The following CATSPERE variants were observed in gnomAD, a reference collection of about 807,000 sequenced individuals.
CATSPERE encodes the protein catsper channel auxiliary subunit epsilon.
Under a neutral mutation model 114.1 loss-of-function variants are expected in CATSPERE, and 93 were observed. The ratio of observed to expected loss-of-function variants is 0.81; its 90% CI spans 0.69 to 0.97. CATSPERE has a LOEUF of 0.97. CATSPERE is among the 50% of genes least tolerant of loss of function. CATSPERE has a pLI of 0.00. For missense variants in CATSPERE, 1,058 were observed against 1,131.6 expected (o/e 0.93, Z 0.93); for synonymous variants, 341 against 384.1 (o/e 0.89, Z 1.31).
At chr1:244,550,479 G>A (rs1442517835) in intron 8 of CATSPERE, among the ~76,000 whole-genome samples, 1 of 152,126 alleles carries the variant, frequency 6.6e-6, no homozygotes, top group Non-Finnish European at 1.5e-5. Context: ...GTCCCGTCCT[G>A]TTTATGCCTG....
At chr1:244,544,501 C>G (rs1036413024) in intron 8 of CATSPERE, among the ~76,000 whole-genome samples, 1 of 152,178 alleles carries the variant, frequency 6.6e-6, no homozygotes, top group Non-Finnish European at 1.5e-5. Context: ...TACTTAGCAG[C>G]TGACAGAATC....
Position 244,461,508 on chromosome 1 carries a change from A to C in CATSPERE, c.65+14A>C, listed in dbSNP as rs776341334. The C allele has an allele frequency of 5.4e-6, 7 of 1,302,648 alleles. No individual in the cohort carries two copies. The East Asian group carries it at 1.2e-4, about 22-fold the overall frequency. The allele number at this position is 1,302,648 out of a possible 1,614,324, so 80.7% of individuals were successfully genotyped here. A position where few individuals can be genotyped will look rare whatever the true frequency, so the allele number is the denominator to read the frequency against. On this transcript the variant is annotated intron_variant, in intron 1 of 21. Transcript: ENST00000366534. ...CGCCCTTTGGAGGTAGAGAGACGCC[A>C]GTCGCAGGCGAGCGACTAGGCGGGG...
rs1668808510 is a variant in CATSPERE at position 244,599,008 on chromosome 1, G to C, written c.2303+5430G>C. On this transcript the variant is annotated intron_variant, in intron 17 of 21. Transcript: ENST00000366534. ...TGCCTAACTCTCCATGTCATAGTCT[G>C]ATATATAGAACTACATCGTCCGGAC... 2.0e-5 allele frequency among the ~76,000 whole-genome samples: 3 copies of C among 152,106 alleles called. No homozygotes were observed. The South Asian group carries it at 6.2e-4, about 32-fold the overall frequency.
chr1:244,542,956 A>C (rs1008591889), intron 8 of CATSPERE, among the ~76,000 whole-genome samples: 2 of 152,260 alleles, frequency 1.3e-5, no homozygotes, highest in African/African-American at 4.8e-5. Context: ...CAAAAAGACA[A>C]AAGATAAGAA....
At chr1:244,496,343 T>G (rs376300966) in intron 6 of CATSPERE, among the ~76,000 whole-genome samples, 5 of 152,316 alleles carry the variant, frequency 3.3e-5, no homozygotes, top group Admixed American at 6.5e-5. Context: ...AACAAAAGCC[T>G]GAGAGTGTTT....
intron 8 of CATSPERE, among the ~76,000 whole-genome samples, chr1:244,530,412 T>A (rs1206192107): frequency 6.6e-6 from 1 of 152,230 alleles, no homozygotes; most frequent in Non-Finnish European, 1.5e-5. Flanking sequence ...GCTGTTTTGG[T>A]TACTGTAGCT....
intron 6 of CATSPERE, among the ~76,000 whole-genome samples, chr1:244,496,297 G>A (rs1558372651): frequency 1.3e-5 from 2 of 152,148 alleles, no homozygotes; most frequent in South Asian, 4.1e-4. Flanking sequence ...AAATCTAAAG[G>A]TGTTACATTC....
chr1:244,585,097 T>C (rs1284694187), intron 13 of CATSPERE, among the ~76,000 whole-genome samples: 1 of 152,152 alleles, frequency 6.6e-6, no homozygotes, highest in Non-Finnish European at 1.5e-5. Context: ...ATTCATTCTA[T>C]CCTGCCCAGC....
At chr1:244,465,173 C>G (rs1667422922) in intron 2 of CATSPERE, among the ~76,000 whole-genome samples, 1 of 151,806 alleles carries the variant, frequency 6.6e-6, no homozygotes. Context: ...GTAGCTGGGA[C>G]TACAGGTGCA....
intron 17 of CATSPERE, among the ~76,000 whole-genome samples, chr1:244,601,471 G>A (rs562963132): frequency 1.7e-4 from 26 of 152,248 alleles, no homozygotes; most frequent in African/African-American, 6.3e-4. Context: ...CCATAAAACA[G>A]TAAAGAAAAA....
chr1:244,475,471 T>G (rs920709481), intron 2 of CATSPERE, among the ~76,000 whole-genome samples: 32 of 151,740 alleles, frequency 2.1e-4, no homozygotes, highest in Non-Finnish European at 4.0e-4. Context: ...TGGCCTCAAG[T>G]GAGCTACCTG....
At chr1:244,625,852 G>C (rs367671385) in intron 20 of CATSPERE, among the ~76,000 whole-genome samples, 1 of 150,774 alleles carries the variant, frequency 6.6e-6, no homozygotes, top group South Asian at 2.1e-4. Context: ...GCCTCCCAAA[G>C]TGCTGGGATT....
intron 11 of CATSPERE, among the ~76,000 whole-genome samples, chr1:244,580,081 G>T (rs1665934128): frequency 1.3e-5 from 2 of 152,222 alleles, no homozygotes; most frequent in South Asian, 4.1e-4. Flanking sequence ...CTGTCATCCA[G>T]GCTGGAGTGC....
chr1:244,617,397 G>T, intron 19 of CATSPERE, 132 bp from the exon 20 acceptor site: 1 of 635,124 alleles, frequency 1.6e-6, no homozygotes, highest in Non-Finnish European at 2.5e-6. Flanking sequence ...GCTATAAAGA[G>T]CACTGCAGGG....
At chr1:244,621,256 G>GATATATTTAT (rs1470854186) in intron 20 of CATSPERE, among the ~76,000 whole-genome samples, 1 of 21,506 alleles carries the variant, frequency 4.6e-5, no homozygotes, top group African/African-American at 1.7e-4. Context: ...TATTTATATA[G>GATATATTTAT]ATATATTTAT....
intron 6 of CATSPERE, among the ~76,000 whole-genome samples, chr1:244,498,034 G>T (rs1673399511): frequency 6.6e-6 from 1 of 152,060 alleles, no homozygotes; most frequent in African/African-American, 2.4e-5. Flanking sequence ...ACACTTTTAG[G>T]AATGTGCCCT....
upstream of CATSPERE, chr1:244,452,107 C>T (rs1390017046): frequency 1.5e-5 from 4 of 271,948 alleles, no homozygotes; most frequent in Non-Finnish European, 2.8e-5. Flanking sequence ...GGCCACGCCC[C>T]TTCCGCGGCC....
At chr1:244,583,379 A>G (rs1032548882) in intron 12 of CATSPERE, among the ~76,000 whole-genome samples, 2 of 152,180 alleles carry the variant, frequency 1.3e-5, no homozygotes, top group Non-Finnish European at 2.9e-5. Context: ...TCCCAGTCAG[A>G]TCATATTAGA....
chr1:244,527,384 A>G (rs1186488004), intron 8 of CATSPERE, among the ~76,000 whole-genome samples: 1 of 152,238 alleles, frequency 6.6e-6, no homozygotes, highest in African/African-American at 2.4e-5. Context: ...TTTTGAAAGA[A>G]GAGAAATATG....
Sources: allele counts gnomAD v4.1 joint callset (sites outside exome capture counted in the v4.1 genomes callset), GRCh38; gene constraint gnomAD v4.1.1; transcripts MANE v1.5; gene names NCBI Gene and HGNC (gene_info 2026-07-23, HGNC 2026-07-21).